Variants in RBFOX3 observed in about 807,000 individuals in gnomAD.
The protein encoded by RBFOX3 is RNA binding fox-1 homolog 3.
Under a neutral mutation model 48.7 loss-of-function variants are expected in RBFOX3, and 17 were observed. That is an observed-to-expected ratio of 0.35 (90% CI 0.24 to 0.52). The LOEUF (loss-of-function observed/expected upper bound fraction) is 0.52, where lower values mean the gene tolerates loss of function less well. Among genes scored for constraint, RBFOX3 ranks in the 20% least tolerant of loss-of-function variants. RBFOX3 has a pLI of 0.94. For missense variants in RBFOX3, 382 were observed against 497.5 expected, an observed-to-expected ratio of 0.77 and a Z score of 2.21; for synonymous variants, 212 against 209.5, an observed-to-expected ratio of 1.01 and a Z score of -0.10.
intron 1 of RBFOX3, among the ~76,000 whole-genome samples, chr17:79,498,868 T>TCATCCATCCATCCATC (rs56766707): frequency 1.7e-4 from 23 of 135,768 alleles, no homozygotes; most frequent in African/African-American, 4.5e-4. Context: ...ACCCATTCGC[T>TCATCCATCCATCCATC]CATCCATCCA....
chr17:79,558,793 G>A (rs1035194331), intron 1 of RBFOX3, among the ~76,000 whole-genome samples: 13 of 152,284 alleles, frequency 8.5e-5, no homozygotes, highest in South Asian at 6.2e-4. Context: ...AGGAGGGACC[G>A]AGGCCAGCTG....
At chr17:79,541,188 C>A (rs35540226) in intron 1 of RBFOX3, among the ~76,000 whole-genome samples, 1 of 151,744 alleles carries the variant, frequency 6.6e-6, no homozygotes, top group African/African-American at 2.4e-5. Flanking sequence ...AAAAAAAAAG[C>A]TATACATTTC....
chr17:79,612,132 C>T (rs1216276679), upstream of RBFOX3, among the ~76,000 whole-genome samples: 22 of 152,162 alleles, frequency 1.4e-4, no homozygotes, highest in South Asian at 2.1e-4. Context: ...AAGGTCTGGA[C>T]GGTCCCAAAC....
At chr17:79,211,024 G>A (rs917057398) in intron 4 of RBFOX3, among the ~76,000 whole-genome samples, 8 of 150,118 alleles carry the variant, frequency 5.3e-5, no homozygotes, top group Admixed American at 2.7e-4. Context: ...GGTGGGGTGC[G>A]TGACTCACAT....
intron 1 of RBFOX3, among the ~76,000 whole-genome samples, chr17:79,567,925 C>A (rs1361915766): frequency 4.6e-5 from 7 of 152,314 alleles, no homozygotes; most frequent in African/African-American, 1.7e-4. Flanking sequence ...CCTGCCTGAC[C>A]TTTACCTCTG....
intron 3 of RBFOX3, among the ~76,000 whole-genome samples, chr17:79,271,082 T>TTTTC (rs201175523): frequency 7.8e-5 from 7 of 90,208 alleles, no homozygotes; most frequent in Non-Finnish European, 1.6e-4. Flanking sequence ...ATAAGATTTT[T>TTTTC]TTTTTTTTTT....
intron 1 of RBFOX3, among the ~76,000 whole-genome samples, chr17:79,493,438 C>A (rs1186919999): frequency 2.6e-5 from 4 of 152,124 alleles, no homozygotes; most frequent in Non-Finnish European, 4.4e-5. Flanking sequence ...TCCCAGGGAC[C>A]AAGTTCTCCC....
chr17:79,383,182 C>A (rs930179488), intron 2 of RBFOX3, among the ~76,000 whole-genome samples: 1 of 152,176 alleles, frequency 6.6e-6, no homozygotes, highest in East Asian at 1.9e-4. Context: ...GGGGTGTATC[C>A]ATAGACCAGG....
rs1600033176 is a variant in RBFOX3 at position 79,212,929 on chromosome 17, A to G, written c.-34+22837T>C. On this transcript the variant is annotated intron_variant, in intron 4 of 14. Coordinates refer to ENST00000693108, the MANE Select transcript of RBFOX3 (RefSeq NM_001350451.2). This position sits in a 1 kb window ranked among gnomAD's most constrained non-coding sequence, Gnocchi z 4.7. ...GAGTGCAGTGGCGCAATCTCAGATC[A>G]CTGCAACCTCCGTCTCCCAGGTTCA... Among the ~76,000 whole-genome samples, 1 of 152,124 alleles carries G rather than the reference A, an allele frequency of 6.6e-6. No individual in the cohort carries two copies. The highest frequency in any genetic ancestry group is 6.5e-5 in the Admixed American group (1 of 15,280).
intron 1 of RBFOX3, among the ~76,000 whole-genome samples, chr17:79,565,430 C>T (rs1255314542): frequency 6.6e-6 from 1 of 151,432 alleles, no homozygotes; most frequent in African/African-American, 2.4e-5. Flanking sequence ...ACCTCTGCCT[C>T]CCAGGTTCAA....
At chr17:79,623,367 G>A in the RBFOX3 span, among the ~76,000 whole-genome samples, 3 of 152,270 alleles carry the variant, frequency 2.0e-5, no homozygotes, top group East Asian at 1.9e-4. Flanking sequence ...AAATGTCCAC[G>A]TCCTAACCCC....
chr17:79,295,471 C>T (rs1239361218), intron 3 of RBFOX3, among the ~76,000 whole-genome samples: 1 of 152,158 alleles, frequency 6.6e-6, no homozygotes, highest in Non-Finnish European at 1.5e-5. Flanking sequence ...GGGTGGGAGC[C>T]AGTTCCTTTC....
the RBFOX3 span, among the ~76,000 whole-genome samples, chr17:79,655,762 T>G: frequency 6.6e-6 from 1 of 152,158 alleles, no homozygotes; most frequent in African/African-American, 2.4e-5. Context: ...TCAAGGGATG[T>G]CCAAATCTGA....
At chr17:79,397,418 G>A (rs544813484) in intron 2 of RBFOX3, among the ~76,000 whole-genome samples, 239 of 150,210 alleles carry the variant, frequency 1.6e-3, no homozygotes, top group African/African-American at 5.5e-3. Flanking sequence ...ACTTGAACCC[G>A]GGAGGTGGAG....
In RBFOX3 at chr17:79,390,524, C is replaced by CT. The variant is rs2061258132; in HGVS notation, c.-174-82701dup. 6.7e-6 allele frequency among the ~76,000 whole-genome samples: 1 copy of CT among 150,326 alleles called. No homozygotes were observed. The highest frequency in any genetic ancestry group is 1.5e-5 in the Non-Finnish European group (1 of 67,886). On this transcript the variant is annotated intron_variant, in intron 2 of 14. Transcript: ENST00000693108. The surrounding 1 kb of genome is among the most constrained non-coding windows in gnomAD (Gnocchi z 4.2). ...TGGAGTCTCGCTCTTGTCGCCCAGG[C>CT]TGGAGTGCAGTGGCACAATCTCGGC...
At chr17:79,122,763 G>A (rs2147216477) in intron 4 of RBFOX3, among the ~76,000 whole-genome samples, 1 of 152,284 alleles carries the variant, frequency 6.6e-6, no homozygotes, top group South Asian at 2.1e-4. Flanking sequence ...GCTGTTTATT[G>A]CAGCACTGTT....
At chr17:79,622,951 C>T in the RBFOX3 span, among the ~76,000 whole-genome samples, 1 of 152,192 alleles carries the variant, frequency 6.6e-6, no homozygotes. Context: ...GCCACAGGCC[C>T]CATCTCTACC....
At chr17:79,499,727 A>G (rs1472401949) in intron 1 of RBFOX3, among the ~76,000 whole-genome samples, 2 of 152,264 alleles carry the variant, frequency 1.3e-5, no homozygotes, top group East Asian at 3.8e-4. Flanking sequence ...TTGGGTTACC[A>G]TAAGAAACAG....
intron 6 of RBFOX3, among the ~76,000 whole-genome samples, chr17:79,104,563 A>G (rs1181786634): frequency 6.6e-6 from 1 of 152,156 alleles, no homozygotes; most frequent in African/African-American, 2.4e-5. Flanking sequence ...GGGATAGGGT[A>G]CCCAAGGCAT....
Sources: gnomAD v4.1 joint callset for allele counts (sites outside exome capture counted in the v4.1 genomes callset) on GRCh38, gnomAD v4.1.1 for gene constraint, Gnocchi (gnomAD v3.1) non-coding constraint, MANE v1.5 for transcripts, NCBI Gene and HGNC (gene_info 2026-07-23, HGNC 2026-07-21) for gene names.